LUZP2: variants seen among roughly 807,000 people sequenced by gnomAD.
LUZP2 encodes leucine zipper protein 2.
LUZP2 carries 52 observed loss-of-function variants against 51.6 expected under a neutral mutation model. The observed-to-expected ratio is 1.01, with a 90% CI of 0.81 to 1.27. The LOEUF is 1.27. Among genes scored for constraint, LUZP2 ranks in the 50% most tolerant of loss-of-function variants. The probability of loss-of-function intolerance (pLI) is 0.00; values close to 1 mark genes in which losing one functional copy is unlikely to be tolerated. For synonymous variants in LUZP2, 154 were observed against 137.3 expected (o/e 1.12, Z -0.85); for missense variants, 436 against 395.4 (o/e 1.10, Z -0.87).
intron 5 of LUZP2, among the ~76,000 whole-genome samples, chr11:24,867,905 A>C (rs1229531817): frequency 2.6e-5 from 4 of 152,162 alleles, no homozygotes; most frequent in Non-Finnish European, 5.9e-5. Context: ...TACTGATGTA[A>C]ACATTTGGTT....
At chr11:24,720,360 A>G (rs1219052894) in intron 1 of LUZP2, among the ~76,000 whole-genome samples, 1 of 152,226 alleles carries the variant, frequency 6.6e-6, no homozygotes, top group African/African-American at 2.4e-5. Flanking sequence ...AATAAATGTA[A>G]AAATTATAAG....
At chr11:24,690,567 C>T (rs1565078917) in intron 1 of LUZP2, among the ~76,000 whole-genome samples, 1 of 152,118 alleles carries the variant, frequency 6.6e-6, no homozygotes, top group Non-Finnish European at 1.5e-5. Context: ...TATTTCCACT[C>T]TGATATCCTT....
intron 5 of LUZP2, among the ~76,000 whole-genome samples, chr11:24,770,002 C>T (rs1860349917): frequency 6.6e-6 from 1 of 152,108 alleles, no homozygotes; most frequent in Non-Finnish European, 1.5e-5. Flanking sequence ...CCATATTGGC[C>T]AGGCTGGTCT....
intron 7 of LUZP2, among the ~76,000 whole-genome samples, chr11:24,918,650 C>T (rs1251128125): frequency 1.3e-5 from 2 of 150,932 alleles, no homozygotes; most frequent in Admixed American, 6.7e-5. Flanking sequence ...AAAAAAAAAT[C>T]CTAAATATTA....
intron 5 of LUZP2, among the ~76,000 whole-genome samples, chr11:24,902,834 T>C (rs1243149115): frequency 2.0e-5 from 3 of 152,102 alleles, no homozygotes; most frequent in Non-Finnish European, 4.4e-5. Flanking sequence ...CATTCAAAAT[T>C]TCCCCTTAGT....
intron 1 of LUZP2, among the ~76,000 whole-genome samples, chr11:24,601,559 G>A (rs1467194161): frequency 1.3e-5 from 2 of 151,756 alleles, no homozygotes; most frequent in Non-Finnish European, 2.9e-5. Context: ...CATTTCTAAT[G>A]AAGTTGAATA....
chr11:24,588,171 A>G lies in LUZP2; in HGVS notation c.62+90866A>G, dbSNP rs537314490. Among the ~76,000 whole-genome samples, 6 of 152,178 alleles carry G rather than the reference A, an allele frequency of 3.9e-5. No homozygotes were observed. The East Asian group carries it at 1.2e-3, about 29-fold the overall frequency. On this transcript the variant is annotated intron_variant, in intron 1 of 11. Transcript: ENST00000336930. ...CTAGTCACTTACTTTATCTTGAAGG[A>G]AGAAAAGTCACCTTATTAGATGACT...
chr11:25,013,407 G>A (rs971501239), intron 9 of LUZP2, among the ~76,000 whole-genome samples: 1 of 152,084 alleles, frequency 6.6e-6, no homozygotes, highest in Non-Finnish European at 1.5e-5. Flanking sequence ...AATTTCACAT[G>A]TACCTTTATA....
intron 7 of LUZP2, among the ~76,000 whole-genome samples, chr11:24,961,268 T>A (rs998533177): frequency 1.3e-5 from 2 of 152,190 alleles, no homozygotes; most frequent in African/African-American, 4.8e-5. Flanking sequence ...TAGGTCCGCT[T>A]GGTGCAGAGC....
intron 5 of LUZP2, among the ~76,000 whole-genome samples, chr11:24,852,247 A>G (rs753459197): frequency 2.6e-5 from 4 of 152,058 alleles, no homozygotes; most frequent in Non-Finnish European, 5.9e-5. Flanking sequence ...GCATTTAGTG[A>G]TATAAATTTC....
At chr11:24,602,218 A>G (rs938039006) in intron 1 of LUZP2, among the ~76,000 whole-genome samples, 2 of 31,736 alleles carry the variant, frequency 6.3e-5, no homozygotes, top group East Asian at 1.3e-3. Flanking sequence ...GTATATATGT[A>G]TATATGTACA....
chr11:24,813,533 GCC>G (rs1294100839), intron 5 of LUZP2, among the ~76,000 whole-genome samples: 1 of 152,122 alleles, frequency 6.6e-6, no homozygotes, highest in African/African-American at 2.4e-5. Context: ...CAGGGGTGGT[GCC>G]ACACACTTTG....
At chr11:24,543,584 G>T (rs925727149) in intron 1 of LUZP2, among the ~76,000 whole-genome samples, 6 of 152,028 alleles carry the variant, frequency 3.9e-5, no homozygotes, top group African/African-American at 1.4e-4. Flanking sequence ...ACTTTGGGAG[G>T]CCAAGGCGGG....
intron 1 of LUZP2, among the ~76,000 whole-genome samples, chr11:24,585,069 T>C (rs1480255568): frequency 6.6e-6 from 1 of 152,180 alleles, no homozygotes; most frequent in Admixed American, 6.5e-5. Context: ...GGTTGATGAC[T>C]CCTACTTTCT....
chr11:25,000,065 C>A (rs990220477), intron 9 of LUZP2, among the ~76,000 whole-genome samples: 1 of 152,108 alleles, frequency 6.6e-6, no homozygotes, highest in African/African-American at 2.4e-5. Flanking sequence ...TTACAGAGTG[C>A]TGATTGGTCC....
intron 9 of LUZP2, among the ~76,000 whole-genome samples, chr11:25,044,542 T>G (rs1043129650): frequency 6.6e-6 from 1 of 152,020 alleles, no homozygotes; most frequent in Admixed American, 6.6e-5. Context: ...AAATTAACTT[T>G]TATACTTTTG....
rs377438985 is a variant in LUZP2 at position 24,601,144 on chromosome 11, G to A, written c.62+103839G>A. On this transcript the variant is annotated intron_variant, in intron 1 of 11. Transcript: ENST00000336930. ...GAGAAAAAGTGAATATGTCATTGCT[G>A]ACTTGAAGATGGAGGGGTACAAATA... 2.0e-4 allele frequency among the ~76,000 whole-genome samples: 30 copies of A among 152,166 alleles called. No individual in the cohort carries two copies. In the East Asian group the frequency reaches 2.5e-3, roughly 13 times the overall value.
intron 5 of LUZP2, among the ~76,000 whole-genome samples, chr11:24,813,827 A>G (rs1222525576): frequency 1.3e-5 from 2 of 152,196 alleles, no homozygotes; most frequent in Non-Finnish European, 2.9e-5. Flanking sequence ...TTCACCTGGG[A>G]GGCAGGATAG....
chr11:25,012,113 T>G (rs1361234201), intron 9 of LUZP2, among the ~76,000 whole-genome samples: 1 of 152,162 alleles, frequency 6.6e-6, no homozygotes, highest in Non-Finnish European at 1.5e-5. Context: ...TAGAATTAAG[T>G]CATTCTAATT....
Sources: gnomAD v4.1 joint callset for allele counts (sites outside exome capture counted in the v4.1 genomes callset) on GRCh38, gnomAD v4.1.1 for gene constraint, MANE v1.5 for transcripts, NCBI Gene and HGNC (gene_info 2026-07-23, HGNC 2026-07-21) for gene names.